TMC3: variants seen among roughly 807,000 people sequenced by gnomAD.
TMC3 encodes the protein transmembrane channel like 3, also known as transmembrane channel-like protein 3.
A neutral mutation model predicts 110.6 loss-of-function variants in TMC3; 98 were observed. The ratio of observed to expected loss-of-function variants is 0.89; its 90% CI spans 0.75 to 1.05. The LOEUF (loss-of-function observed/expected upper bound fraction) is 1.05, where lower values mean the gene tolerates loss of function less well. TMC3 is among the 50% of genes least tolerant of loss of function. The probability of loss-of-function intolerance (pLI) is 0.00; values close to 1 mark genes in which losing one functional copy is unlikely to be tolerated. For synonymous variants in TMC3, 489 were observed against 513.1 expected, an observed-to-expected ratio of 0.95 and a Z score of 0.63; for missense variants, 1,319 against 1,373.2, an observed-to-expected ratio of 0.96 and a Z score of 0.62.
At chr15:81,349,979 G>T (rs1893911276) in intron 10 of TMC3, among the ~76,000 whole-genome samples, 1 of 150,444 alleles carries the variant, frequency 6.6e-6, no homozygotes, top group South Asian at 2.1e-4. Flanking sequence ...AAAAAAGCTG[G>T]CATATGCCTA....
In TMC3 at chr15:81,362,254, G is replaced by A; in HGVS notation, c.360C>T (p.Phe120=). The A allele has an allele frequency of 6.2e-7, 1 of 1,612,536 alleles. No individual in the cohort carries two copies. Among genetic ancestry groups the A allele is most frequent in the Non-Finnish European group, 8.5e-7 (1 of 1,179,178 alleles). Residue 120 remains phenylalanine, a synonymous_variant, in exon 4 of 22, where the codon TTC becomes TTT. Transcript: ENST00000359440. ...ARLACNFVVI[F]IPWEMRIKKI... ...TCTTTATCCTCATTTCCCAGGGAAT[G>A]AAGATGACCACAAAGTTACAGGCGA...
chr15:81,336,038 C>G (rs754416359), intron 20 of TMC3: 3 of 152,166 alleles, frequency 2.0e-5, no homozygotes, highest in Non-Finnish European at 4.4e-5. Context: ...TCTCCTACTT[C>G]GATACTTCCT....
chr15:81,333,922 G>A (rs756726083), intron 21 of TMC3, among the ~76,000 whole-genome samples: 1 of 151,946 alleles, frequency 6.6e-6, no homozygotes, highest in Admixed American at 6.6e-5. Context: ...CCTGGGAGGT[G>A]GAGGTTGCAG....
At chr15:81,333,760 A>G (rs777461856) in intron 21 of TMC3, among the ~76,000 whole-genome samples, 3 of 152,194 alleles carry the variant, frequency 2.0e-5, no homozygotes, top group Non-Finnish European at 2.9e-5. Context: ...AGGCCAAGGC[A>G]GGTGGATCAC....
At position 81,351,803 on chromosome 15, in the gene TMC3, A is replaced by G. The variant is rs1436966890; in HGVS notation, c.974T>C (p.Leu325Pro). 2 of 1,611,446 alleles carry G rather than the reference A, an allele frequency of 1.2e-6. No homozygotes were observed. Among genetic ancestry groups the G allele is most frequent in the Non-Finnish European group, 1.7e-6 (2 of 1,178,904 alleles). ...TICLRIIANI[L>P]VLLSLAGSIY... The stretch of plus-strand genomic sequence containing the variant: ...GCTCCCAGCCAGTGAGAGAAGCACC[A>G]GGATGTTGGCAATAATCCTCAGGCA... Residue 325 changes from leucine (L) to proline (P), a missense_variant, in exon 10 of 22, where the codon CTG becomes CCG. Physicochemically the swap from Leu to Pro is moderately conservative, Grantham distance 98. Transcript: ENST00000359440.
At chr15:81,359,832 T>C (rs1467265131) in intron 4 of TMC3, among the ~76,000 whole-genome samples, 3 of 152,244 alleles carry the variant, frequency 2.0e-5, no homozygotes, top group Non-Finnish European at 4.4e-5. Flanking sequence ...TTTTGCACCA[T>C]TTTGAGAATT....
rs778292841 is a variant in TMC3, at chr15:81,349,572, T to A, written c.1084-5A>T. The A allele has an allele frequency of 6.8e-7, 1 of 1,475,616 alleles. No homozygotes were observed. Among genetic ancestry groups the A allele is most frequent in the Non-Finnish European group, 9.0e-7 (1 of 1,110,322 alleles). 91.4% of individuals were successfully genotyped at this position (1,475,616 alleles called of 1,614,324 possible). A position where few individuals can be genotyped will look rare whatever the true frequency, so the allele number is the denominator to read the frequency against. On this transcript the variant is annotated splice_region_variant and splice_polypyrimidine_tract_variant and intron_variant, in intron 10 of 21. Transcript: ENST00000359440. ...GAGGGAGACCACCACACTGACCTGC[T>A]GAGAGAGCACATGCCAGAGCCAGAC... is the stretch of plus-strand genomic sequence containing the variant.
intron 13 of TMC3, 32 bp from the exon 14 acceptor site, chr15:81,344,077 T>A: frequency 6.3e-7 from 1 of 1,591,702 alleles, no homozygotes; most frequent in Non-Finnish European, 8.5e-7. Flanking sequence ...GATGCCACCA[T>A]GCCCCACCCT....
intron 16 of TMC3, among the ~76,000 whole-genome samples, chr15:81,340,613 T>C (rs571398233): frequency 2.4e-4 from 37 of 152,328 alleles, no homozygotes; most frequent in Non-Finnish European, 4.4e-4. Flanking sequence ...AGAATAAGTG[T>C]TGGCAAGGTT....
chr15:81,334,104 C>T (rs1427974106), intron 21 of TMC3, among the ~76,000 whole-genome samples: 15 of 152,106 alleles, frequency 9.9e-5, no homozygotes, highest in Admixed American at 9.8e-4. Context: ...GTCAAGACCC[C>T]ACAGAGACAG....
In TMC3 at chr15:81,374,044, CTCT is replaced by C. The variant is rs750579556; in HGVS notation, c.31_33del (p.Arg11del). On this transcript the variant is annotated inframe_deletion, in exon 1 of 22. Coordinates refer to ENST00000359440, the MANE Select transcript of TMC3 (RefSeq NM_001080532.3). ...CACTGGCTGGCATTTCTCCGGATGC[CTCT>C]ATAGCGCTGGGATGCCTTCGAGGTT... 1 of 1,613,850 alleles carries C rather than the reference CTCT, an allele frequency of 6.2e-7. No homozygotes were observed. Among genetic ancestry groups the C allele is most frequent in the Non-Finnish European group, 8.5e-7 (1 of 1,179,850 alleles).
Position 81,349,202 on chromosome 15 carries a change from C to T in TMC3, c.1193+256G>A, listed in dbSNP as rs925735742. On this transcript the variant is annotated intron_variant, in intron 11 of 21. Transcript: ENST00000359440. ...TCCTTTCCCTTCTCCTCCTCCTCTT[C>T]TTCCTCTTCTTCATTTCTTTTCTTC... 1.3e-4 allele frequency among the ~76,000 whole-genome samples: 20 copies of T among 151,958 alleles called. 1 individual carries two copies. The highest frequency in any genetic ancestry group is 4.8e-4 in the African/African-American group (20 of 41,366).
At chr15:81,338,197 A>G (rs966482253) in intron 18 of TMC3, among the ~76,000 whole-genome samples, 1 of 152,170 alleles carries the variant, frequency 6.6e-6, no homozygotes, top group Admixed American at 6.5e-5. Flanking sequence ...AAGAACTGAA[A>G]ATGGGGGAGA....
chr15:81,349,527 GATGGTGCTATC>G lies in TMC3; in HGVS notation c.1113_1123del (p.Met371IlefsTer4). 2 of 1,560,442 alleles carry G rather than the reference GATGGTGCTATC, an allele frequency of 1.3e-6. No individual in the cohort carries two copies. Among genetic ancestry groups the G allele is most frequent in the Non-Finnish European group, 1.7e-6 (2 of 1,151,978 alleles). On this transcript the variant is annotated frameshift_variant, in exon 11 of 22. Coordinates refer to ENST00000359440, the MANE Select transcript of TMC3 (RefSeq NM_001080532.3). LOFTEE classifies it high-confidence loss of function. Reference sequence around the variant, plus strand: ...TAAGGCAGCAATGAGGTCAAAGGCTGATGGTGCTATCATGGTGACGAGGGAGACCACCACAC... The same window carrying G: ...TAAGGCAGCAATGAGGTCAAAGGCTGATGGTGACGAGGGAGACCACCACAC...
At chr15:81,355,953 G>A (rs573957301) in intron 8 of TMC3, among the ~76,000 whole-genome samples, 185 bp from the exon 9 acceptor site, 5 of 111,558 alleles carry the variant, frequency 4.5e-5, no homozygotes, top group African/African-American at 3.3e-4. Flanking sequence ...TTGGCGGTTG[G>A]GAAGAGGGAT....
chr15:81,371,006 T>G (rs1894423379), intron 2 of TMC3, among the ~76,000 whole-genome samples: 1 of 152,096 alleles, frequency 6.6e-6, no homozygotes, highest in African/African-American at 2.4e-5. Context: ...AAAGAGTAAT[T>G]GCTCCAATGA....
At chr15:81,370,623 A>G (rs995685797) in intron 2 of TMC3, among the ~76,000 whole-genome samples, 4 of 152,190 alleles carry the variant, frequency 2.6e-5, no homozygotes, top group African/African-American at 9.7e-5. Context: ...TTATTCAGAT[A>G]ACAATTGATC....
Position 81,372,620 on chromosome 15 carries a change from C to A in TMC3, c.207G>T (p.Trp69Cys), listed in dbSNP as rs530925458. ...ATGCCCTCAGCTTCTGTCCCATAGT[C>A]CAGGGTCTGCAGCGAATGTTTGCCA... ...DLMANIRCRP[W>C]TMGQKLRALR... Residue 69 changes from tryptophan to cysteine, a missense_variant, in exon 2 of 22, where the codon TGG (tryptophan) becomes TGT (cysteine). Coordinates refer to ENST00000359440, the MANE Select transcript of TMC3 (RefSeq NM_001080532.3). The A allele has an allele frequency of 8.1e-6, 13 of 1,613,706 alleles. No individual in the cohort carries two copies. The highest frequency in any genetic ancestry group is 2.2e-5 in the South Asian group (2 of 91,066).
intron 7 of TMC3, among the ~76,000 whole-genome samples, chr15:81,357,569 A>G (rs527470151): frequency 6.6e-6 from 1 of 152,254 alleles, no homozygotes; most frequent in African/African-American, 2.4e-5. Context: ...CAGGTCTCAC[A>G]GTCGGGGTGG....
Sources: allele counts gnomAD v4.1 joint callset (sites outside exome capture counted in the v4.1 genomes callset), GRCh38; gene constraint gnomAD v4.1.1; transcripts MANE v1.5; gene names NCBI Gene and HGNC (gene_info 2026-07-23, HGNC 2026-07-21).